The following STK38L variants were observed in gnomAD, a reference collection of about 807,000 sequenced individuals.
The protein encoded by STK38L is serine/threonine kinase 38 like, also known as serine/threonine-protein kinase 38-like.
In STK38L, 28 loss-of-function variants were observed where a neutral mutation model predicts 59.7. That is an observed-to-expected ratio of 0.47 (90% CI 0.35 to 0.64). The LOEUF (loss-of-function observed/expected upper bound fraction) is 0.64. Ranked by LOEUF, STK38L falls within the 30% of genes least tolerant of loss-of-function variation. The probability of loss-of-function intolerance (pLI) is 0.01; values close to 1 mark genes in which losing one functional copy is unlikely to be tolerated. For synonymous variants in STK38L, 162 were observed against 176.8 expected (o/e 0.92, Z 0.66); for missense variants, 314 against 555.8 (o/e 0.56, Z 4.37).
chr12:27,319,001 GA>G (rs1379296193), intron 11 of STK38L, among the ~76,000 whole-genome samples: 2 of 150,678 alleles, frequency 1.3e-5, no homozygotes, highest in African/African-American at 2.4e-5. Flanking sequence ...ACAAACAAAC[GA>G]AAAAAAAATT....
rs78761570 is a variant in STK38L at position 27,288,290 on chromosome 12, T to A, written c.-11-9420T>A. On this transcript the variant is annotated intron_variant, in intron 1 of 13. Coordinates refer to ENST00000389032, the MANE Select transcript of STK38L (RefSeq NM_015000.4). ...AAATTTATGTCTTTAAAATTAACAT[T>A]TTAAAGCATACATTTATTTTAAACT... 2.8e-3 allele frequency among the ~76,000 whole-genome samples: 428 copies of A among 152,304 alleles called. 4 individuals are homozygous for A. Among genetic ancestry groups the A allele is most frequent in the Non-Finnish European group, 4.3e-3 (291 of 68,016 alleles).
rs534618213 is a variant in STK38L at position 27,322,779 on chromosome 12, A to C, written c.*324A>C. The stretch of plus-strand genomic sequence containing the variant: ...TCTGCCTGTGTGTGCTGTGGCTTTG[A>C]ACTGTAACACCTCTAATCAATTCAG... On this transcript the variant is annotated 3_prime_UTR_variant, in exon 14 of 14. Coordinates refer to ENST00000389032, the MANE Select transcript of STK38L (RefSeq NM_015000.4). The C allele has an allele frequency of 5.1e-6, 1 of 196,724 alleles. No homozygotes were observed. Among genetic ancestry groups the C allele is most frequent in the South Asian group, 1.4e-4 (1 of 7,278 alleles). 12.2% of individuals were successfully genotyped at this position (196,724 alleles called of 1,614,324 possible). A position where few individuals can be genotyped will look rare whatever the true frequency, so the allele number is the denominator to read the frequency against.
chr12:27,288,703 A>C (rs992845636), intron 1 of STK38L, among the ~76,000 whole-genome samples: 2 of 151,522 alleles, frequency 1.3e-5, no homozygotes, highest in African/African-American at 4.8e-5. Context: ...ATAAAGATAT[A>C]TCATTTTATA....
intron 1 of STK38L, among the ~76,000 whole-genome samples, chr12:27,294,504 CA>C (rs63041360): frequency 0.25 from 25,741 of 101,298 alleles, 2,297 homozygotes; most frequent in South Asian, 0.38. Context: ...GAAATTCTGT[CA>C]AAAAAAAAAA....
At chr12:27,291,134 CAAT>C (rs1362960717) in intron 1 of STK38L, among the ~76,000 whole-genome samples, 1 of 152,206 alleles carries the variant, frequency 6.6e-6, no homozygotes, top group African/African-American at 2.4e-5. Flanking sequence ...GGTAAAAACT[CAAT>C]AAATATTCTT....
intron 1 of STK38L, among the ~76,000 whole-genome samples, chr12:27,260,621 C>T (rs568177795): frequency 1.3e-5 from 2 of 152,296 alleles, no homozygotes; most frequent in South Asian, 2.1e-4. Flanking sequence ...TTTGCACTTA[C>T]CATACATGCT....
chr12:27,299,143 C>G (rs1770997214), intron 2 of STK38L, among the ~76,000 whole-genome samples: 1 of 152,126 alleles, frequency 6.6e-6, no homozygotes, highest in Admixed American at 6.6e-5. Flanking sequence ...GGAAATAAGT[C>G]AATGTTGCCT....
intron 1 of STK38L, among the ~76,000 whole-genome samples, chr12:27,265,507 C>G (rs1943284947): frequency 6.6e-6 from 1 of 152,186 alleles, no homozygotes; most frequent in Non-Finnish European, 1.5e-5. Context: ...GAAACACATA[C>G]TCTTCACCTG....
chr12:27,244,630 C>T (rs945827118), intron 1 of STK38L, among the ~76,000 whole-genome samples: 1 of 152,178 alleles, frequency 6.6e-6, no homozygotes, highest in Non-Finnish European at 1.5e-5. Context: ...GCTCCGGGTC[C>T]CCGCCTGGGC....
chr12:27,305,969 T>C (rs1370203268), intron 3 of STK38L, among the ~76,000 whole-genome samples: 1 of 152,190 alleles, frequency 6.6e-6, no homozygotes, highest in Non-Finnish European at 1.5e-5. Flanking sequence ...ATCAACAGGC[T>C]TTTTCACCAA....
intron 1 of STK38L, among the ~76,000 whole-genome samples, chr12:27,279,506 C>T (rs764694851): frequency 2.6e-4 from 39 of 152,020 alleles, no homozygotes; most frequent in Admixed American, 4.6e-4. Flanking sequence ...GGGTGGATCA[C>T]CTGAGGTCAG....
chr12:27,313,757 C>A (rs771755670), intron 6 of STK38L, among the ~76,000 whole-genome samples: 5 of 151,984 alleles, frequency 3.3e-5, no homozygotes, highest in Non-Finnish European at 7.4e-5. Flanking sequence ...TGTAAGTGCA[C>A]CAGTGTTTAC....
At position 27,317,319 on chromosome 12, in the gene STK38L, G is replaced by T; in HGVS notation, c.838-17G>T. The T allele has an allele frequency of 1.3e-6, 2 of 1,555,992 alleles. No individual in the cohort carries two copies. Among genetic ancestry groups the T allele is most frequent in the Non-Finnish European group, 1.8e-6 (2 of 1,139,134 alleles). ...TAAATGTTAAGAATGCTGGTTTGAC[G>T]AGTTGCTCCTTTGTAGGCATATTCC... On this transcript the variant is annotated splice_polypyrimidine_tract_variant and intron_variant, in intron 9 of 13. Coordinates refer to ENST00000389032, the MANE Select transcript of STK38L (RefSeq NM_015000.4).
intron 3 of STK38L, among the ~76,000 whole-genome samples, chr12:27,305,467 T>C (rs753561744): frequency 6.6e-6 from 1 of 152,246 alleles, no homozygotes; most frequent in Non-Finnish European, 1.5e-5. Flanking sequence ...TTAGGCTCCA[T>C]GCTAGAGCCT....
chr12:27,306,714 AACACAC>A (rs10553623), intron 3 of STK38L, among the ~76,000 whole-genome samples: 5,849 of 139,146 alleles, frequency 0.042, 290 homozygotes, highest in African/African-American at 0.11. Context: ...GAATTTTATA[AACACAC>A]ACACACACAC....
chr12:27,314,960 A>G (rs1944550211), intron 7 of STK38L, 55 bp from the exon 8 acceptor site: 2 of 1,374,604 alleles, frequency 1.5e-6, no homozygotes, highest in South Asian at 1.3e-5. Flanking sequence ...AGTTTATAAC[A>G]AGGCTTTTTG....
At chr12:27,262,845 C>T (rs1490958213) in intron 1 of STK38L, among the ~76,000 whole-genome samples, 2 of 146,258 alleles carry the variant, frequency 1.4e-5, no homozygotes, top group Non-Finnish European at 3.0e-5. Context: ...GTTGCCCAGG[C>T]TGGAACGCAG....
In STK38L at chr12:27,311,329, C is replaced by T. The variant is rs1044684208; in HGVS notation, c.394-1220C>T. Reference sequence around the variant, plus strand: ...ACAAGTTCTTACTCCTCAACTCTTACGCTTTGATCTCAGAATATTTACTGC... The same window carrying T: ...ACAAGTTCTTACTCCTCAACTCTTATGCTTTGATCTCAGAATATTTACTGC... On this transcript the variant is annotated intron_variant, in intron 5 of 13. Coordinates refer to ENST00000389032, the MANE Select transcript of STK38L (RefSeq NM_015000.4). Among the ~76,000 whole-genome samples, 5 of 152,184 alleles carry T rather than the reference C, an allele frequency of 3.3e-5. No individual in the cohort carries two copies. In the East Asian group the frequency reaches 5.8e-4, roughly 18 times the overall value.
intron 1 of STK38L, among the ~76,000 whole-genome samples, chr12:27,268,692 A>G (rs1431991926): frequency 1.3e-5 from 2 of 152,202 alleles, no homozygotes; most frequent in African/African-American, 4.8e-5. Context: ...AGGAATCGCC[A>G]CACTGACTTC....
Sources: gnomAD v4.1 joint callset for allele counts (sites outside exome capture counted in the v4.1 genomes callset) on GRCh38, gnomAD v4.1.1 for gene constraint, MANE v1.5 for transcripts, NCBI Gene and HGNC (gene_info 2026-07-23, HGNC 2026-07-21) for gene names.